The following LRRC4B variants were observed in gnomAD, a reference collection of about 807,000 sequenced individuals.
LRRC4B encodes leucine-rich repeat-containing protein 4B.
Under a neutral mutation model 7.3 loss-of-function variants are expected in LRRC4B, and 1 was observed. That is an observed-to-expected ratio of 0.14 (90% confidence interval 0.05 to 0.65). The LOEUF (loss-of-function observed/expected upper bound fraction) is 0.65, where lower values mean the gene tolerates loss of function less well. Among genes scored for constraint, LRRC4B ranks in the 30% least tolerant of loss-of-function variants. The pLI is 0.84. For synonymous variants in LRRC4B, 500 were observed against 499.2 expected, an observed-to-expected ratio of 1.00 and a Z score of -0.02; for missense variants, 730 against 1,041.6, an observed-to-expected ratio of 0.70 and a Z score of 4.12.
chr19:50,561,225 A>G (rs1456907075), intron 1 of LRRC4B, among the ~76,000 whole-genome samples: 2 of 152,130 alleles, frequency 1.3e-5, no homozygotes, highest in African/African-American at 4.8e-5. Flanking sequence ...GGCTGGATCA[A>G]AACCACTCAT....
chr19:50,545,828 A>G (rs1981780001), intron 2 of LRRC4B, among the ~76,000 whole-genome samples: 1 of 150,472 alleles, frequency 6.6e-6, no homozygotes, highest in Non-Finnish European at 1.5e-5. Context: ...GTCTCAAGCA[A>G]GCCTCCCACC....
At chr19:50,528,821 CA>C (rs1980930294) in intron 2 of LRRC4B, among the ~76,000 whole-genome samples, 1 of 152,240 alleles carries the variant, frequency 6.6e-6, no homozygotes, top group South Asian at 2.1e-4. Flanking sequence ...TGGGCTCGGG[CA>C]GGCCTTGTGG....
In LRRC4B at chr19:50,517,796, G is replaced by T; in HGVS notation, c.1917C>A (p.Ala639=). 6.7e-7 allele frequency: 1 copy of T among 1,501,430 alleles called. No individual in the cohort carries two copies. Among genetic ancestry groups the T allele is most frequent in the Non-Finnish European group, 9.0e-7 (1 of 1,116,528 alleles). 93.0% of individuals were successfully genotyped at this position (1,501,430 alleles called of 1,614,324 possible). The part of the protein sequence containing the change: ...AVSVAAAAAV[A]SGGGVGGDSH... ...TGTCCCCGCCCACACCACCCCCACT[G>T]GCCACGGCGGCCGCGGCGGCCACGG... is the stretch of plus-strand genomic sequence containing the variant. The change falls in exon 3 of 3, where the codon GCC becomes GCA. Residue 639 remains alanine (A), a synonymous_variant. Coordinates refer to ENST00000652263, the MANE Select transcript of LRRC4B (RefSeq NM_001080457.2). This position sits in a 1 kb window ranked among gnomAD's most constrained non-coding sequence, Gnocchi z 6.6.
rs1158913232 is a variant in LRRC4B at position 50,529,446 on chromosome 19, A to G, written c.298-10031T>C. Among the ~76,000 whole-genome samples the G allele has an allele frequency of 2.0e-5, 3 of 152,176 alleles. No individual in the cohort carries two copies. The East Asian group carries it at 5.8e-4, about 29-fold the overall frequency. On this transcript the variant is annotated intron_variant, in intron 2 of 2. Coordinates refer to ENST00000652263, the MANE Select transcript of LRRC4B (RefSeq NM_001080457.2). The stretch of plus-strand genomic sequence containing the variant: ...TAATAATAACATCAATAATAGTAAC[A>G]GGAGGAGGAGGTCCCGGTCATCACT...
chr19:50,523,784 C>G (rs59874465), intron 2 of LRRC4B, among the ~76,000 whole-genome samples: 1 of 151,878 alleles, frequency 6.6e-6, no homozygotes, highest in Non-Finnish European at 1.5e-5. Context: ...ATGGCGAAAC[C>G]CCATCTCTAC....
In LRRC4B at chr19:50,548,393, GC is replaced by G; in HGVS notation, c.297+148del. The stretch of plus-strand genomic sequence containing the variant: ...ACTCCACCTCGGGAGCCCGGCTCCA[GC>G]TGATAGGATGCAGACCCGCAGGCCA... On this transcript the variant is annotated intron_variant, in intron 2 of 2. Coordinates refer to ENST00000652263, the MANE Select transcript of LRRC4B (RefSeq NM_001080457.2). This position sits in a 1 kb window ranked among gnomAD's most constrained non-coding sequence, Gnocchi z 6.8. 2 of 1,141,382 alleles carry G rather than the reference GC, an allele frequency of 1.8e-6. No individual in the cohort carries two copies. The highest frequency in any genetic ancestry group is 4.5e-5 in the Admixed American group (2 of 44,284). 70.7% of individuals were successfully genotyped at this position (1,141,382 alleles called of 1,614,324 possible).
chr19:50,523,078 G>A (rs987758362), intron 2 of LRRC4B, among the ~76,000 whole-genome samples: 4 of 152,306 alleles, frequency 2.6e-5, no homozygotes, highest in Admixed American at 2.0e-4. Context: ...CCTGGCTGCC[G>A]CCTCTCAGGG....
At chr19:50,528,895 T>C (rs1422304588) in intron 2 of LRRC4B, among the ~76,000 whole-genome samples, 3 of 152,110 alleles carry the variant, frequency 2.0e-5, no homozygotes, top group Non-Finnish European at 4.4e-5. Flanking sequence ...GAGGGTCATT[T>C]GGGTCCCAAG....
chr19:50,563,133 T>C lies in LRRC4B; in HGVS notation c.-36+4811A>G, dbSNP rs1031487346. On this transcript the variant is annotated intron_variant, in intron 1 of 2. Transcript: ENST00000652263. The surrounding 1 kb of genome is among the most constrained non-coding windows in gnomAD (Gnocchi z 4.9). The stretch of plus-strand genomic sequence containing the variant: ...AGCAGCCCTCCTGGGGAAACAGCAG[T>C]CCCCTGGGCTCCCGCCTGCCTCCCG... 5.9e-5 allele frequency among the ~76,000 whole-genome samples: 9 copies of C among 151,514 alleles called. No individual in the cohort carries two copies. The highest frequency in any genetic ancestry group is 1.2e-4 in the Non-Finnish European group (8 of 67,812).
Position 50,517,871 on chromosome 19 carries a change from G to T in LRRC4B, c.1842C>A (p.Thr614=). ...CGTCCTCCACGTTGATGATCTCCAC[G>T]GTGCGCGTGGGCCCGTGGTGCTTGT... is the stretch of plus-strand genomic sequence containing the variant. ...QLHKHHGPTR[T]VEIINVEDEL... The change falls in exon 3 of 3, where the codon ACC becomes ACA. Residue 614 remains threonine (T), a synonymous_variant. Transcript: ENST00000652263. This position sits in a 1 kb window ranked among gnomAD's most constrained non-coding sequence, Gnocchi z 6.6. 1 of 1,593,758 alleles carries T rather than the reference G, an allele frequency of 6.3e-7. No homozygotes were observed. The highest frequency in any genetic ancestry group is 2.3e-5 in the East Asian group (1 of 44,212).
chr19:50,546,485 C>T (rs1294108993), intron 2 of LRRC4B, among the ~76,000 whole-genome samples: 1 of 152,148 alleles, frequency 6.6e-6, no homozygotes, highest in Non-Finnish European at 1.5e-5. Flanking sequence ...ACTGGACGAA[C>T]ACACCCTCCA....
At chr19:50,564,015 G>A (rs995608663) in intron 1 of LRRC4B, among the ~76,000 whole-genome samples, 4 of 152,140 alleles carry the variant, frequency 2.6e-5, no homozygotes, top group African/African-American at 7.2e-5. Context: ...GGGAAACCAA[G>A]GGAAGGAGAG....
chr19:50,540,772 C>A (rs1981503678), intron 2 of LRRC4B, among the ~76,000 whole-genome samples: 1 of 151,770 alleles, frequency 6.6e-6, no homozygotes. Flanking sequence ...TCTCCCATCA[C>A]CCCCAGATGG....
At position 50,518,624 on chromosome 19, in the gene LRRC4B, C is replaced by A. The variant is rs1601367646; in HGVS notation, c.1089G>T (p.Ala363=). 1 of 1,608,104 alleles carries A rather than the reference C, an allele frequency of 6.2e-7. No homozygotes were observed. Among genetic ancestry groups the A allele is most frequent in the Non-Finnish European group, 8.5e-7 (1 of 1,176,360 alleles). ...ELDQSHFTCY[A]PVIVEPPTDL... is the part of the protein sequence containing the mutation. ...CCGTGGGCGGCTCCACGATGACGGG[C>A]GCATAGCAGGTGAAATGCGACTGGT... Residue 363 remains alanine, a synonymous_variant, in exon 3 of 3, where the codon GCG becomes GCT. Coordinates refer to ENST00000652263, the MANE Select transcript of LRRC4B (RefSeq NM_001080457.2).
intron 1 of LRRC4B, among the ~76,000 whole-genome samples, chr19:50,559,543 G>A (rs565508320): frequency 3.1e-4 from 47 of 152,336 alleles, no homozygotes; most frequent in Admixed American, 1.4e-3. Flanking sequence ...AAGAGAACTG[G>A]GCCCTGGCCT....
At chr19:50,564,084 A>G (rs956408159) in intron 1 of LRRC4B, among the ~76,000 whole-genome samples, 2 of 152,078 alleles carry the variant, frequency 1.3e-5, no homozygotes, top group East Asian at 3.9e-4. Flanking sequence ...CAAACAGCAG[A>G]GGTTGCAAAC....
At chr19:50,565,285 G>A (rs926866932) in intron 1 of LRRC4B, among the ~76,000 whole-genome samples, 7 of 152,202 alleles carry the variant, frequency 4.6e-5, no homozygotes, top group African/African-American at 9.6e-5. Flanking sequence ...GTGTCTGTCC[G>A]TAGGCGTGAG....
At position 50,518,680 on chromosome 19, in the gene LRRC4B, C is replaced by T; in HGVS notation, c.1033G>A (p.Gly345Ser). The T allele has an allele frequency of 6.2e-7, 1 of 1,613,686 alleles. No homozygotes were observed. The highest frequency in any genetic ancestry group is 8.5e-7 in the Non-Finnish European group (1 of 1,179,838). The change falls in exon 3 of 3, where the codon GGC becomes AGC. Residue 345 changes from glycine (G) to serine (S), a missense_variant. By Grantham distance (56) the Gly-to-Ser change is moderately conservative. Coordinates refer to ENST00000652263, the MANE Select transcript of LRRC4B (RefSeq NM_001080457.2). ...TCCARCHAPA[G>S]LKGRYIGELD... The stretch of plus-strand genomic sequence containing the variant: ...TCCCCAATGTAGCGCCCCTTGAGGC[C>T]GGCGGGCGCATGACAGCGGGCGCAG...
chr19:50,549,017 C>T (rs542250899), intron 1 of LRRC4B, 144 bp from the exon 2 acceptor site: 12 of 569,282 alleles, frequency 2.1e-5, no homozygotes, highest in East Asian at 6.2e-5. Flanking sequence ...AGACAGCTGC[C>T]GATGGACCCA....
Sources: allele counts gnomAD v4.1 joint callset (sites outside exome capture counted in the v4.1 genomes callset), GRCh38; gene constraint gnomAD v4.1.1; non-coding constraint Gnocchi (gnomAD v3.1); transcripts MANE v1.5; gene names NCBI Gene and HGNC (gene_info 2026-07-23, HGNC 2026-07-21).